Variants in ETNK1 observed in about 807,000 individuals in gnomAD.
ETNK1 encodes ethanolamine kinase 1.
A neutral mutation model predicts 45.1 loss-of-function variants in ETNK1; 8 were observed. The observed-to-expected ratio is 0.18, with a 90% CI of 0.10 to 0.32. The LOEUF is 0.32. Among genes scored for constraint, ETNK1 ranks in the 10% least tolerant of loss-of-function variants. The pLI, the probability that ETNK1 is intolerant of heterozygous loss-of-function variation, is 1.00. For synonymous variants in ETNK1, 152 were observed against 151.9 expected (o/e 1.00, Z -0.01); for missense variants, 302 against 430.6 (o/e 0.70, Z 2.64).
At chr12:22,680,825 CAAAA>C (rs2137577139) in intron 6 of ETNK1, among the ~76,000 whole-genome samples, 2 of 126,360 alleles carry the variant, frequency 1.6e-5, no homozygotes, top group South Asian at 5.0e-4. Context: ...TGGTGGCAAA[CAAAA>C]GTAGGTATAT....
intron 4 of ETNK1, among the ~76,000 whole-genome samples, chr12:22,662,646 C>T (rs780190535): frequency 3.9e-5 from 6 of 152,104 alleles, no homozygotes; most frequent in Non-Finnish European, 5.9e-5. Flanking sequence ...GATCCTCCTG[C>T]CTTGGCCTCC....
intron 2 of ETNK1, among the ~76,000 whole-genome samples, chr12:22,651,766 A>G (rs1417511807): frequency 6.7e-6 from 1 of 148,502 alleles, no homozygotes; most frequent in African/African-American, 2.5e-5. Context: ...TTCAAGTGCA[A>G]TCTCTGCCTC....
At chr12:22,644,427 T>G in intron 2 of ETNK1, 2 of 1,121,634 alleles carry the variant, frequency 1.8e-6, no homozygotes, top group South Asian at 7.5e-5. Flanking sequence ...TCTTTGTTCT[T>G]TACGTTGTTC....
intron 6 of ETNK1, among the ~76,000 whole-genome samples, chr12:22,674,088 T>C (rs756446171): frequency 1.6e-4 from 25 of 152,332 alleles, no homozygotes; most frequent in Non-Finnish European, 3.4e-4. Context: ...TAGGATTATG[T>C]TTTTTATGAC....
At chr12:22,675,467 C>A (rs998529131) in intron 6 of ETNK1, among the ~76,000 whole-genome samples, 5 of 151,412 alleles carry the variant, frequency 3.3e-5, no homozygotes, top group Non-Finnish European at 7.4e-5. Flanking sequence ...GGGGTTCTCC[C>A]AACTCAGCCT....
At chr12:22,682,589 C>T (rs560128364) in intron 6 of ETNK1, among the ~76,000 whole-genome samples, 3 of 152,156 alleles carry the variant, frequency 2.0e-5, no homozygotes, top group South Asian at 2.1e-4. Flanking sequence ...TACTAGAGCA[C>T]GTACTCCAGG....
intron 4 of ETNK1, among the ~76,000 whole-genome samples, chr12:22,670,198 G>A (rs775483549): frequency 6.6e-6 from 1 of 151,962 alleles, no homozygotes; most frequent in Non-Finnish European, 1.5e-5. Flanking sequence ...TGTAAAGACC[G>A]GGAATTTGTT....
chr12:22,671,787 C>T (rs904652798), intron 5 of ETNK1, among the ~76,000 whole-genome samples: 14 of 147,320 alleles, frequency 9.5e-5, no homozygotes, highest in South Asian at 4.3e-4. Context: ...TGCAGTGAGC[C>T]GAGATCGCGC....
intron 6 of ETNK1, among the ~76,000 whole-genome samples, chr12:22,677,168 T>C (rs951420771): frequency 9.2e-5 from 14 of 152,174 alleles, no homozygotes; most frequent in African/African-American, 3.4e-4. Flanking sequence ...CTTTAATCCA[T>C]CTTGAGTTAA....
At position 22,656,639 on chromosome 12, in the gene ETNK1, C is replaced by T. The variant is rs566462289; in HGVS notation, c.417-2375C>T. On this transcript the variant is annotated intron_variant, in intron 2 of 7. Transcript: ENST00000266517. ...TGTTCTGAATCCAGCATGGAGCAGA[C>T]GAGAAGTCATGGAGTTCTGACAGTT... 1.3e-4 allele frequency: 133 copies of T among 985,296 alleles called. 1 individual carries two copies. The African/African-American group carries it at 2.0e-3, about 15-fold the overall frequency. 61.0% of individuals were successfully genotyped at this position (985,296 alleles called of 1,614,324 possible).
chr12:22,661,906 G>A (rs1214475901), intron 4 of ETNK1, among the ~76,000 whole-genome samples: 2 of 152,062 alleles, frequency 1.3e-5, no homozygotes, highest in East Asian at 3.8e-4. Context: ...TATATTACTG[G>A]GTGAAGTGGT....
chr12:22,678,794 A>G (rs2137574926), intron 6 of ETNK1, among the ~76,000 whole-genome samples: 1 of 152,364 alleles, frequency 6.6e-6, no homozygotes, highest in East Asian at 1.9e-4. Flanking sequence ...TTGTCATGAC[A>G]AGACTTCAAA....
At chr12:22,684,069 T>A (rs1954237589) in intron 6 of ETNK1, among the ~76,000 whole-genome samples, 1 of 152,186 alleles carries the variant, frequency 6.6e-6, no homozygotes, top group Non-Finnish European at 1.5e-5. Flanking sequence ...TAAATATATT[T>A]ATTGCTTGTG....
chr12:22,625,657 C>T (rs2137504944), intron 1 of ETNK1, 71 bp downstream of exon 1: 2 of 1,516,156 alleles, frequency 1.3e-6, no homozygotes, highest in South Asian at 1.2e-5. Context: ...ACCACAATCG[C>T]CTCTGTCCCA....
chr12:22,655,328 G>GTTTTT (rs10586779), intron 2 of ETNK1, among the ~76,000 whole-genome samples: 8 of 122,738 alleles, frequency 6.5e-5, no homozygotes, highest in African/African-American at 1.2e-4. Context: ...GGGTTTGTTT[G>GTTTTT]TTTTTTTTTT....
intron 1 of ETNK1, among the ~76,000 whole-genome samples, chr12:22,633,593 A>G (rs1953612164): frequency 6.6e-6 from 1 of 152,212 alleles, no homozygotes; most frequent in Admixed American, 6.5e-5. Context: ...AAGAAACTGG[A>G]TAGGATTTTG....
At chr12:22,641,424 AT>A (rs1405340101) in intron 1 of ETNK1, among the ~76,000 whole-genome samples, 4 of 152,060 alleles carry the variant, frequency 2.6e-5, no homozygotes, top group Non-Finnish European at 4.4e-5. Flanking sequence ...CAAAGTTCCT[AT>A]TTTTTTCTAC....
intron 1 of ETNK1, among the ~76,000 whole-genome samples, chr12:22,632,647 A>G (rs1277463503): frequency 6.6e-6 from 1 of 152,010 alleles, no homozygotes; most frequent in African/African-American, 2.4e-5. Flanking sequence ...AGTACCTGAG[A>G]CTAAAGGTGC....
Position 22,688,525 on chromosome 12 carries a change from T to C in ETNK1, c.*3571T>C, listed in dbSNP as rs1354241440. The C allele has an allele frequency of 3.3e-5, 5 of 152,130 alleles. No homozygotes were observed. The highest frequency in any genetic ancestry group is 7.4e-5 in the Non-Finnish European group (5 of 67,794). The allele number at this position is 152,130 out of a possible 1,614,324, so 9.4% of individuals were successfully genotyped here. A position where few individuals can be genotyped will look rare whatever the true frequency, so the allele number is the denominator to read the frequency against. ...ACCATTTTACGAATTTCTGTCTTCATAATATAAGTGAAAATACTGTCATTT... is the reference window on the plus strand; with the variant it reads ...ACCATTTTACGAATTTCTGTCTTCACAATATAAGTGAAAATACTGTCATTT... On this transcript the variant is annotated 3_prime_UTR_variant, in exon 8 of 8. Transcript: ENST00000266517.
Sources: allele counts gnomAD v4.1 joint callset (sites outside exome capture counted in the v4.1 genomes callset), GRCh38; gene constraint gnomAD v4.1.1; transcripts MANE v1.5; gene names NCBI Gene and HGNC (gene_info 2026-07-23, HGNC 2026-07-21).